The following SNW1 variants were observed in gnomAD, a reference collection of about 807,000 sequenced individuals.
SNW1 encodes the protein SNW domain containing 1.
A neutral mutation model predicts 75.6 loss-of-function variants in SNW1; 9 were observed. The observed-to-expected ratio is 0.12, with a 90% CI of 0.07 to 0.21. The LOEUF (loss-of-function observed/expected upper bound fraction) is 0.21, where lower values mean the gene tolerates loss of function less well. Ranked by LOEUF, SNW1 falls within the 10% of genes least tolerant of loss-of-function variation. SNW1 has a pLI of 1.00. For synonymous variants in SNW1, 200 were observed against 219.1 expected (o/e 0.91, Z 0.77); for missense variants, 409 against 670.9 (o/e 0.61, Z 4.31).
chr14:77,728,888 T>TA (rs2080607199), intron 10 of SNW1, among the ~76,000 whole-genome samples: 1 of 152,244 alleles, frequency 6.6e-6, no homozygotes, highest in South Asian at 2.1e-4. Flanking sequence ...TGTTAGTTTT[T>TA]ACTACTATCT....
chr14:77,744,811 G>A (rs1267342202), intron 3 of SNW1, among the ~76,000 whole-genome samples: 2 of 152,136 alleles, frequency 1.3e-5, no homozygotes, highest in East Asian at 1.9e-4. Flanking sequence ...ATAAAGAAGA[G>A]TGATTACCCC....
chr14:77,757,470 A>G (rs1055335730), intron 1 of SNW1, among the ~76,000 whole-genome samples: 1 of 152,246 alleles, frequency 6.6e-6, no homozygotes, highest in Non-Finnish European at 1.5e-5. Flanking sequence ...TAAGGTTCTT[A>G]TAAGTATTAA....
intron 3 of SNW1, among the ~76,000 whole-genome samples, chr14:77,748,600 T>A (rs1010160877): frequency 1.1e-4 from 17 of 152,046 alleles, no homozygotes; most frequent in Admixed American, 7.9e-4. Flanking sequence ...CTTTTTTTTT[T>A]ATTTGAGACA....
rs1026144351 is a variant in SNW1 at position 77,726,683 on chromosome 14, G to A, written c.1034-3406C>T. Among the ~76,000 whole-genome samples the A allele has an allele frequency of 1.2e-4, 18 of 152,112 alleles. 1 individual carries two copies. Among genetic ancestry groups the A allele is most frequent in the East Asian group, 9.7e-4 (5 of 5,174 alleles). ...AAAAAAATTAGCCAGGCGTGGTGGT[G>A]TGCGCCTGTTGTCCTAGCTACTCAG... On this transcript the variant is annotated intron_variant, in intron 10 of 13. Transcript: ENST00000261531.
chr14:77,747,475 C>A (rs1284147758), intron 3 of SNW1, among the ~76,000 whole-genome samples: 1 of 151,506 alleles, frequency 6.6e-6, no homozygotes, highest in South Asian at 2.1e-4. Flanking sequence ...AAGTGAGGAG[C>A]GTCTCTGCCC....
chr14:77,722,623 C>A, intron 11 of SNW1: 1 of 382,938 alleles, frequency 2.6e-6, no homozygotes, highest in Non-Finnish European at 5.1e-6. Context: ...TTTCTATATT[C>A]CCATCATTCT....
chr14:77,755,683 C>A (rs1374293952), intron 1 of SNW1, among the ~76,000 whole-genome samples: 1 of 151,648 alleles, frequency 6.6e-6, no homozygotes, highest in Non-Finnish European at 1.5e-5. Flanking sequence ...TCCCAAAGTG[C>A]TGGAATTACA....
At position 77,723,187 on chromosome 14, in the gene SNW1, T is replaced by A. The variant is rs969893916; in HGVS notation, c.1124A>T (p.Asp375Val). Residue 375 changes from aspartate to valine, a missense_variant, in exon 11 of 14, where the codon GAT (aspartate) becomes GTT (valine). Asp to Val is a radical substitution (Grantham distance 152, BLOSUM62 -3). This residue lies in a region of SNW1 where 126 missense variants were observed against 167.6 expected (regional missense o/e 0.75). Coordinates refer to ENST00000261531, the MANE Select transcript of SNW1 (RefSeq NM_012245.3). ...CATCTTAAATAACACCTACCTCTTA[T>A]CAGGAGCTGCCCTGGAAAGATTCCG... ...HDRNLSRAAP[D>V]KRSKLQRNEN... The A allele has an allele frequency of 1.2e-6, 2 of 1,613,458 alleles. No homozygotes were observed. Among genetic ancestry groups the A allele is most frequent in the Non-Finnish European group, 1.7e-6 (2 of 1,179,604 alleles).
chr14:77,750,109 G>A (rs1208279652), intron 3 of SNW1, among the ~76,000 whole-genome samples: 1 of 152,170 alleles, frequency 6.6e-6, no homozygotes. Flanking sequence ...GCTGAGGTGG[G>A]AGGAATGCTT....
chr14:77,725,282 T>C (rs1189779894), intron 10 of SNW1, among the ~76,000 whole-genome samples: 1 of 152,368 alleles, frequency 6.6e-6, no homozygotes, highest in East Asian at 1.9e-4. Flanking sequence ...TTCCATTCTG[T>C]AGGTGGCCTC....
At chr14:77,733,699 C>G (rs1256747299) in intron 8 of SNW1, among the ~76,000 whole-genome samples, 3 of 114,224 alleles carry the variant, frequency 2.6e-5, no homozygotes, top group Non-Finnish European at 4.9e-5. Flanking sequence ...GAGCCATGAT[C>G]ATACCACTGT....
chr14:77,760,752 C>A (rs1445271510), intron 1 of SNW1: 11 of 703,054 alleles, frequency 1.6e-5, no homozygotes, highest in Non-Finnish European at 2.9e-5. Context: ...GCGCTTCACT[C>A]CGCCCAAATA....
chr14:77,722,988 G>A (rs1398342169), intron 11 of SNW1, 193 bp downstream of exon 11: 1 of 537,748 alleles, frequency 1.9e-6, no homozygotes, highest in Non-Finnish European at 3.4e-6. Context: ...GGGACTACAG[G>A]CGCCTGCCAC....
At chr14:77,751,266 T>C (rs1310156649) in intron 3 of SNW1, 53 bp downstream of exon 3, 2 of 1,538,656 alleles carry the variant, frequency 1.3e-6, no homozygotes, top group Admixed American at 1.9e-5. Flanking sequence ...GTCCACAAAA[T>C]TTAAAATGTT....
chr14:77,726,234 A>G (rs1037455369), intron 10 of SNW1, among the ~76,000 whole-genome samples: 3 of 152,244 alleles, frequency 2.0e-5, no homozygotes, highest in Admixed American at 1.3e-4. Flanking sequence ...TAGTATGAAC[A>G]TTTTAACAAT....
chr14:77,720,674 CAT>C (rs2080532438), intron 12 of SNW1, 35 bp downstream of exon 12: 1 of 1,316,140 alleles, frequency 7.6e-7, no homozygotes, highest in African/African-American at 1.4e-5. Flanking sequence ...TAGGTATTCA[CAT>C]CAACACACAC....
At chr14:77,730,880 AT>A in intron 10 of SNW1, 107 bp downstream of exon 10, 4 of 1,149,538 alleles carry the variant, frequency 3.5e-6, no homozygotes, top group Non-Finnish European at 4.9e-6. Flanking sequence ...ATGTATCTAA[AT>A]TTTGTTTATA....
intron 3 of SNW1, among the ~76,000 whole-genome samples, chr14:77,746,215 A>C (rs1184000250): frequency 6.6e-6 from 1 of 152,242 alleles, no homozygotes; most frequent in Non-Finnish European, 1.5e-5. Context: ...AAGCCATAGA[A>C]AGATTTTAAT....
intron 12 of SNW1, among the ~76,000 whole-genome samples, chr14:77,720,176 T>A (rs1258633190): frequency 1.3e-5 from 2 of 152,216 alleles, no homozygotes; most frequent in African/African-American, 4.8e-5. Flanking sequence ...CTTTTATTTT[T>A]TTGAGATAGA....
Sources: allele counts gnomAD v4.1 joint callset (sites outside exome capture counted in the v4.1 genomes callset), GRCh38; gene constraint gnomAD v4.1.1; regional missense constraint gnomAD v4.1.1; transcripts MANE v1.5; gene names NCBI Gene and HGNC (gene_info 2026-07-23, HGNC 2026-07-21).